Variants in KCTD9 observed in about 807,000 individuals in gnomAD.
KCTD9 encodes BTB/POZ domain-containing protein KCTD9.
In KCTD9, 17 loss-of-function variants were observed where a neutral mutation model predicts 53.3. The ratio of observed to expected loss-of-function variants is 0.32; its 90% confidence interval spans 0.22 to 0.48. The LOEUF is 0.48. Among genes scored for constraint, KCTD9 ranks in the 20% least tolerant of loss-of-function variants. The pLI, the probability that KCTD9 is intolerant of heterozygous loss-of-function variation, is 0.99. For missense variants in KCTD9, 179 were observed against 465.5 expected (o/e 0.38, Z 5.66); for synonymous variants, 128 against 162.7 (o/e 0.79, Z 1.62).
chr8:25,447,357 A>G (rs2063064), intron 1 of KCTD9, among the ~76,000 whole-genome samples: 82,547 of 151,956 alleles, frequency 0.54, 24,111 homozygotes, highest in Middle Eastern at 0.65. Context: ...ACTGCACTCC[A>G]GCCTTTATGA....
At position 25,446,116 on chromosome 8, in the gene KCTD9, A is replaced by T. The variant is rs1476723545; in HGVS notation, c.170+13T>A. The T allele has an allele frequency of 2.5e-6, 4 of 1,611,972 alleles. No homozygotes were observed. Among genetic ancestry groups the T allele is most frequent in the Non-Finnish European group, 3.4e-6 (4 of 1,179,050 alleles). ...GGCACACTGTTGACAGCTTATAAAA[A>T]GGTGAAGGTTACCTGATCAAAGCAA... On this transcript the variant is annotated intron_variant, in intron 2 of 11. Coordinates refer to ENST00000221200, the MANE Select transcript of KCTD9 (RefSeq NM_017634.4).
chr8:25,453,653 CAAAA>C (rs571881844), intron 1 of KCTD9, among the ~76,000 whole-genome samples: 1 of 55,250 alleles, frequency 1.8e-5, no homozygotes, highest in African/African-American at 7.1e-5. Context: ...GACTCCGACT[CAAAA>C]AAAAAAAAAA....
intron 8 of KCTD9, 112 bp downstream of exon 8, chr8:25,436,123 C>A: frequency 1.3e-6 from 1 of 744,568 alleles, no homozygotes. Context: ...TAAATTAGAT[C>A]TTGCATGTAA....
At chr8:25,455,312 G>C (rs1400491763) in intron 1 of KCTD9, among the ~76,000 whole-genome samples, 1 of 152,010 alleles carries the variant, frequency 6.6e-6, no homozygotes, top group Admixed American at 6.6e-5. Context: ...AAAATCTGAA[G>C]CCATTTGTCT....
chr8:25,445,553 A>G (rs956014526), intron 2 of KCTD9, among the ~76,000 whole-genome samples: 3 of 152,268 alleles, frequency 2.0e-5, no homozygotes, highest in African/African-American at 7.2e-5. Context: ...CTTCTTTGTT[A>G]AGCATCTTCC....
At chr8:25,442,569 C>T (rs968664137) in intron 3 of KCTD9, among the ~76,000 whole-genome samples, 5 of 152,022 alleles carry the variant, frequency 3.3e-5, no homozygotes, top group East Asian at 1.9e-4. Flanking sequence ...AAGATGTCAC[C>T]GAATATTGTT....
intron 11 of KCTD9, among the ~76,000 whole-genome samples, chr8:25,431,529 C>G (rs1801930543): frequency 6.6e-6 from 1 of 151,688 alleles, no homozygotes; most frequent in Non-Finnish European, 1.5e-5. Flanking sequence ...GCAGCTCTCC[C>G]CTCAATAGTC....
At chr8:25,435,838 TATTA>T (rs1802006318) in intron 8 of KCTD9, among the ~76,000 whole-genome samples, 2 of 152,220 alleles carry the variant, frequency 1.3e-5, no homozygotes, top group Admixed American at 6.5e-5. Flanking sequence ...TAAATTATTT[TATTA>T]ATTCAGTAAT....
intron 9 of KCTD9, among the ~76,000 whole-genome samples, chr8:25,434,038 A>G (rs1801975491): frequency 6.6e-6 from 1 of 152,236 alleles, no homozygotes. Context: ...CAGGCACATC[A>G]CAATGCATAA....
At chr8:25,434,506 T>G (rs115231612) in intron 9 of KCTD9, among the ~76,000 whole-genome samples, 484 of 152,214 alleles carry the variant, frequency 3.2e-3, no homozygotes, top group African/African-American at 0.011. Context: ...AAAGATTAGG[T>G]CCTTCAAACG....
chr8:25,431,379 C>T (rs1015926517), intron 11 of KCTD9, among the ~76,000 whole-genome samples: 2 of 152,030 alleles, frequency 1.3e-5, no homozygotes, highest in African/African-American at 4.8e-5. Context: ...GTAACCACCG[C>T]AATTTGAAGC....
At chr8:25,457,791 A>C (rs1196100315) in intron 1 of KCTD9, 1 of 162,070 alleles carries the variant, frequency 6.2e-6, no homozygotes, top group African/African-American at 2.4e-5. Flanking sequence ...TTCCGAGCAG[A>C]TCATTACTCA....
rs1801890247 is a variant in KCTD9 at position 25,429,468 on chromosome 8, T to C, written c.*389A>G. The C allele has an allele frequency of 6.3e-6, 1 of 157,966 alleles. No individual in the cohort carries two copies. 9.8% of individuals were successfully genotyped at this position (157,966 alleles called of 1,614,324 possible). A position where few individuals can be genotyped will look rare whatever the true frequency, so the allele number is the denominator to read the frequency against. On this transcript the variant is annotated 3_prime_UTR_variant, in exon 12 of 12. Transcript: ENST00000221200. ...CATCTAGGAATTCAATAAATATAAT[T>C]GCATATGTTGTGCTTTCCATAAATT...
At chr8:25,446,098 T>C (rs773316594) in intron 2 of KCTD9, 31 bp downstream of exon 2, 1 of 1,607,620 alleles carries the variant, frequency 6.2e-7, no homozygotes, top group South Asian at 1.1e-5. Context: ...TGAGGCACAC[T>C]GTTGACAGCT....
chr8:25,443,485 T>A (rs117618014), intron 3 of KCTD9, among the ~76,000 whole-genome samples: 1 of 152,106 alleles, frequency 6.6e-6, no homozygotes. Flanking sequence ...AAAACCTTAA[T>A]TGATCATTTT....
At chr8:25,439,714 A>C (rs770477139) in intron 4 of KCTD9, 50 bp from the exon 5 acceptor site, 1 of 1,612,090 alleles carries the variant, frequency 6.2e-7, no homozygotes, top group Non-Finnish European at 8.5e-7. Flanking sequence ...TTTATAAACA[A>C]ACATATTTAA....
intron 1 of KCTD9, 69 bp downstream of exon 1, chr8:25,458,130 C>T (rs914064342): frequency 1.8e-5 from 26 of 1,448,502 alleles, no homozygotes; most frequent in Admixed American, 3.9e-5. Context: ...GCTGCCCCGC[C>T]AGCCGGTTCC....
chr8:25,433,444 A>G lies in KCTD9; in HGVS notation c.814-9T>C. ...CCCTGGAGATTCGCACACTGCAAAG[A>G]AAAGAGAAAAGTCCTGGTTGTAAGG... On this transcript the variant is annotated splice_polypyrimidine_tract_variant and intron_variant, in intron 9 of 11. Coordinates refer to ENST00000221200, the MANE Select transcript of KCTD9 (RefSeq NM_017634.4). The G allele has an allele frequency of 2.6e-6, 4 of 1,512,930 alleles. No individual in the cohort carries two copies. The South Asian group carries it at 3.6e-5, about 13-fold the overall frequency. 93.7% of individuals were successfully genotyped at this position (1,512,930 alleles called of 1,614,324 possible).
At chr8:25,436,924 T>C (rs1362291210) in intron 6 of KCTD9, among the ~76,000 whole-genome samples, 1 of 152,204 alleles carries the variant, frequency 6.6e-6, no homozygotes, top group East Asian at 1.9e-4. Flanking sequence ...CCTCAATCAG[T>C]TGGCTGTTGA....
Sources: allele counts gnomAD v4.1 joint callset (sites outside exome capture counted in the v4.1 genomes callset), GRCh38; gene constraint gnomAD v4.1.1; transcripts MANE v1.5; gene names NCBI Gene and HGNC (gene_info 2026-07-23, HGNC 2026-07-21).